Variants in PELI1 observed in about 807,000 individuals in gnomAD.
The protein encoded by PELI1 is pellino E3 ubiquitin protein ligase 1, also known as E3 ubiquitin-protein ligase pellino homolog 1.
A neutral mutation model predicts 41.3 loss-of-function variants in PELI1; 15 were observed. That is an observed-to-expected ratio of 0.36 (90% CI 0.24 to 0.56). PELI1 has a LOEUF of 0.56. PELI1 is among the 20% of genes least tolerant of loss of function. The pLI, the probability that PELI1 is intolerant of heterozygous loss-of-function variation, is 0.82. For synonymous variants in PELI1, 178 were observed against 180.1 expected (o/e 0.99, Z 0.09); for missense variants, 403 against 525.5 (o/e 0.77, Z 2.28).
rs770095712 is a variant in PELI1 at position 64,094,737 on chromosome 2, A to G, written c.1222T>C (p.Tyr408His). The G allele has an allele frequency of 2.5e-6, 4 of 1,614,058 alleles. No individual in the cohort carries two copies. Among genetic ancestry groups the G allele is most frequent in the Non-Finnish European group, 2.5e-6 (3 of 1,179,990 alleles). ...CAHQLAGEQG[Y>H]IRLIFQGPLD ...GGTCCTTGAAAAATAAGTCTGATGT[A>G]GCCTTGTTCACCAGCCAACTGATGT... Residue 408 changes from tyrosine (Y) to histidine (H), a missense_variant, in exon 7 of 7, where the codon TAC becomes CAC. Transcript: ENST00000358912.
chr2:64,113,419 T>A (rs1280689886), intron 1 of PELI1, among the ~76,000 whole-genome samples: 1 of 152,212 alleles, frequency 6.6e-6, no homozygotes, highest in African/African-American at 2.4e-5. Flanking sequence ...TTAAGTTAGT[T>A]TGACCTCATG....
chr2:64,131,386 C>A (rs967120890), intron 1 of PELI1, among the ~76,000 whole-genome samples: 1 of 151,610 alleles, frequency 6.6e-6, no homozygotes. Flanking sequence ...ACTTATAATA[C>A]CTAATAAAAT....
intron 1 of PELI1, among the ~76,000 whole-genome samples, chr2:64,118,966 T>C (rs1681110920): frequency 6.6e-6 from 1 of 151,008 alleles, no homozygotes; most frequent in Admixed American, 6.6e-5. Context: ...CATTAAGTTC[T>C]AAAATATGTT....
chr2:64,141,760 G>C (rs1241402395), intron 1 of PELI1, among the ~76,000 whole-genome samples: 1 of 152,166 alleles, frequency 6.6e-6, no homozygotes, highest in East Asian at 1.9e-4. Context: ...GGCAGTACTA[G>C]ACTAACTTCC....
At chr2:64,109,333 A>G (rs1680728157) in intron 1 of PELI1, among the ~76,000 whole-genome samples, 1 of 152,240 alleles carries the variant, frequency 6.6e-6, no homozygotes, top group South Asian at 2.1e-4. Context: ...TAATATGAAA[A>G]TATCTAGTTT....
chr2:64,143,278 T>C (rs1681973688), intron 1 of PELI1: 1 of 152,232 alleles, frequency 6.6e-6, no homozygotes, highest in South Asian at 2.1e-4. Context: ...ATTCAAACAC[T>C]ATGTAAGAAG....
chr2:64,116,475 G>A (rs1680996317), intron 1 of PELI1, among the ~76,000 whole-genome samples: 1 of 152,124 alleles, frequency 6.6e-6, no homozygotes, highest in African/African-American at 2.4e-5. Flanking sequence ...GATATTCATG[G>A]GAAATCCTAT....
Position 64,094,628 on chromosome 2 carries a change from G to T in PELI1, c.*74C>A. The stretch of plus-strand genomic sequence containing the variant: ...ATGACCAGAGCAGAAAAACTGTGAC[G>T]TGGACAACAGGTTCGAAAACCCAAC... On this transcript the variant is annotated 3_prime_UTR_variant, in exon 7 of 7. Transcript: ENST00000358912. 1.0e-6 allele frequency: 1 copy of T among 992,438 alleles called. No homozygotes were observed. Among genetic ancestry groups the T allele is most frequent in the Non-Finnish European group, 1.5e-6 (1 of 655,232 alleles). The allele number at this position is 992,438 out of a possible 1,614,324, so 61.5% of individuals were successfully genotyped here.
rs781520898 is a variant in PELI1, at chr2:64,100,422, A to G, written c.279T>C (p.His93=). The G allele has an allele frequency of 1.3e-6, 2 of 1,553,588 alleles. No homozygotes were observed. The highest frequency in any genetic ancestry group is 1.1e-5 in the South Asian group (1 of 89,730). ...CCTGAAACATATCGGTGTTGCTGTC[A>G]TGAGTATATTCAACCACCACAGTCT... The part of the protein sequence containing the change: ...RAQTVVVEYT[H]DSNTDMFQIG... Residue 93 remains histidine (H), a synonymous_variant, in exon 4 of 7, where the codon CAT becomes CAC. Coordinates refer to ENST00000358912, the MANE Select transcript of PELI1 (RefSeq NM_020651.4).
rs371772154 is a variant in PELI1, at chr2:64,096,327, T to C, written c.502-14A>G. On this transcript the variant is annotated splice_polypyrimidine_tract_variant and intron_variant, in intron 5 of 6. Coordinates refer to ENST00000358912, the MANE Select transcript of PELI1 (RefSeq NM_020651.4). ...GGCAGCCTTCTCCTAGTAGAAATAA[T>C]AGCAGTGAGCTTCCAACTTGTAACT... 27 of 1,610,614 alleles carry C rather than the reference T, an allele frequency of 1.7e-5. No individual in the cohort carries two copies. The highest frequency in any genetic ancestry group is 8.4e-5 in the Admixed American group (5 of 59,870).
chr2:64,103,213 A>C (rs1411662637), intron 3 of PELI1, among the ~76,000 whole-genome samples: 1 of 152,182 alleles, frequency 6.6e-6, no homozygotes, highest in African/African-American at 2.4e-5. Context: ...GATAACAATG[A>C]AAACATGAGG....
chr2:64,137,957 A>AT (rs1041155584), intron 1 of PELI1, among the ~76,000 whole-genome samples: 3 of 152,322 alleles, frequency 2.0e-5, no homozygotes, highest in Non-Finnish European at 4.4e-5. Context: ...TATAAGACTT[A>AT]TTTTAGATAA....
chr2:64,133,892 T>G (rs997985819), intron 1 of PELI1, among the ~76,000 whole-genome samples: 3 of 152,062 alleles, frequency 2.0e-5, no homozygotes, highest in African/African-American at 7.2e-5. Context: ...GTTAAAAGAT[T>G]TAAAATGAAG....
At chr2:64,121,832 G>C (rs1681223566) in intron 1 of PELI1, among the ~76,000 whole-genome samples, 1 of 151,540 alleles carries the variant, frequency 6.6e-6, no homozygotes, top group Admixed American at 6.6e-5. Context: ...TTGAACCCGG[G>C]AGGCGGAGGT....
At chr2:64,114,097 A>G (rs1680911270) in intron 1 of PELI1, among the ~76,000 whole-genome samples, 1 of 152,228 alleles carries the variant, frequency 6.6e-6, no homozygotes, top group Admixed American at 6.5e-5. Context: ...GTACTGAGAA[A>G]AAAAGGAAAA....
chr2:64,129,346 A>G (rs183841763), intron 1 of PELI1, among the ~76,000 whole-genome samples: 20 of 152,328 alleles, frequency 1.3e-4, no homozygotes, highest in African/African-American at 4.3e-4. Flanking sequence ...CTGTCAGAAC[A>G]ATCTTTTGTA....
chr2:64,095,280 A>G lies in PELI1; in HGVS notation c.691-12T>C. On this transcript the variant is annotated splice_polypyrimidine_tract_variant and intron_variant, in intron 6 of 6. Transcript: ENST00000358912. ...GTTTCAATTTCCACCTAGAGGAGAC[A>G]AGAGTTGAAAAACATATTCACCACT... is the stretch of plus-strand genomic sequence containing the variant. 6.3e-7 allele frequency: 1 copy of G among 1,589,808 alleles called. No homozygotes were observed. The highest frequency in any genetic ancestry group is 1.1e-5 in the South Asian group (1 of 90,424).
Position 64,125,327 on chromosome 2 carries a change from C to G in PELI1, c.-69-16948G>C, listed in dbSNP as rs550573020. On this transcript the variant is annotated intron_variant, in intron 1 of 6. Coordinates refer to ENST00000358912, the MANE Select transcript of PELI1 (RefSeq NM_020651.4). ...CCCACCCTAAGTTACCTATTATGAT[C>G]AGAAAGGGGGTTGTTATAAATAATA... Among the ~76,000 whole-genome samples the G allele has an allele frequency of 1.3e-3, 195 of 152,240 alleles. 5 individuals carry two copies. The South Asian group carries it at 0.039, about 30-fold the overall frequency.
intron 4 of PELI1, among the ~76,000 whole-genome samples, chr2:64,097,477 G>T (rs1168578611): frequency 1.3e-5 from 2 of 152,178 alleles, no homozygotes; most frequent in Admixed American, 1.3e-4. Context: ...AAGAGTTCTG[G>T]ATGAGTGAGG....
Sources: gnomAD v4.1 joint callset for allele counts (sites outside exome capture counted in the v4.1 genomes callset) on GRCh38, gnomAD v4.1.1 for gene constraint, MANE v1.5 for transcripts, NCBI Gene and HGNC (gene_info 2026-07-23, HGNC 2026-07-21) for gene names.